Variants in USP42 observed in about 807,000 individuals in gnomAD.
The protein encoded by USP42 is ubiquitin specific peptidase 42, also known as ubiquitin carboxyl-terminal hydrolase 42.
USP42 carries 23 observed loss-of-function variants against 113.0 expected under a neutral mutation model. That is an observed-to-expected ratio of 0.20 (90% confidence interval 0.15 to 0.29). The LOEUF is 0.29. Ranked by LOEUF, USP42 falls within the 10% of genes least tolerant of loss-of-function variation. USP42 has a pLI of 1.00. For synonymous variants in USP42, 933 were observed against 699.0 expected (o/e 1.33, Z -5.28); for missense variants, 2,174 against 1,779.8 (o/e 1.22, Z -3.99).
intron 4 of USP42, among the ~76,000 whole-genome samples, chr7:6,136,954 A>C (rs1781184372): frequency 6.6e-6 from 1 of 152,106 alleles, no homozygotes; most frequent in Non-Finnish European, 1.5e-5. Context: ...ACAGTCTTAA[A>C]AGAATATATA....
rs148181862 is a variant in USP42, at chr7:6,158,490, C to A, written c.3944-960C>A. Among the ~76,000 whole-genome samples the A allele has an allele frequency of 6.6e-4, 100 of 152,276 alleles. No homozygotes were observed. Among genetic ancestry groups the A allele is most frequent in the African/African-American group, 2.3e-3 (96 of 41,558 alleles). On this transcript the variant is annotated intron_variant, in intron 16 of 17. Transcript: ENST00000306177. The surrounding 1 kb of genome is among the most constrained non-coding windows in gnomAD (Gnocchi z 4.2). Reference sequence around the variant, plus strand: ...TGTGTTCTGGGGAAGGCCTGTCCCTCCCAGCAGCCCAGAGCCAGCATGCAT... The same window carrying A: ...TGTGTTCTGGGGAAGGCCTGTCCCTACCAGCAGCCCAGAGCCAGCATGCAT...
intron 3 of USP42, among the ~76,000 whole-genome samples, chr7:6,131,818 A>G (rs895681500): frequency 2.0e-5 from 3 of 152,310 alleles, no homozygotes. Context: ...CACAATGGTC[A>G]GGATTTGTTG....
At chr7:6,105,542 C>G (rs1779230859) in intron 1 of USP42, among the ~76,000 whole-genome samples, 1 of 151,548 alleles carries the variant, frequency 6.6e-6, no homozygotes, top group Non-Finnish European at 1.5e-5. Flanking sequence ...CTCCCCGCCC[C>G]CACTGCATCC....
intron 3 of USP42, among the ~76,000 whole-genome samples, chr7:6,125,574 G>A (rs1438715943): frequency 1.3e-5 from 2 of 152,016 alleles, no homozygotes; most frequent in Non-Finnish European, 2.9e-5. Flanking sequence ...TCCCATCTTT[G>A]TGCTATTGTT....
upstream of USP42, among the ~76,000 whole-genome samples, chr7:6,104,194 T>C (rs1391139012): frequency 4.0e-5 from 6 of 151,316 alleles, no homozygotes; most frequent in Admixed American, 3.9e-4. Context: ...GCAATTCTCC[T>C]GCCTCAGCTT....
At chr7:6,160,509 C>A (rs887872779) in intron 17 of USP42, 46 bp from the exon 18 acceptor site, 6 of 152,698 alleles carry the variant, frequency 3.9e-5, no homozygotes, top group Admixed American at 1.3e-4. Flanking sequence ...CCCTACACGC[C>A]GCCGCCTGCC....
chr7:6,145,674 G>A lies in USP42; in HGVS notation c.1131+18G>A. ...ACATAAAAGTAAGCTGTGCAGATTT[G>A]CTATTAACTATTGTTACATACATGC... On this transcript the variant is annotated intron_variant, in intron 10 of 17. Transcript: ENST00000306177. 1 of 1,609,024 alleles carries A rather than the reference G, an allele frequency of 6.2e-7. No individual in the cohort carries two copies. The highest frequency in any genetic ancestry group is 8.5e-7 in the Non-Finnish European group (1 of 1,177,170).
the USP42 span, among the ~76,000 whole-genome samples, chr7:6,086,892 A>C: frequency 6.8e-6 from 1 of 147,800 alleles, no homozygotes; most frequent in African/African-American, 2.6e-5. Context: ...TACCTGGCTA[A>C]ATTTTTTGTA....
Position 6,149,679 on chromosome 7 carries a change from C to T in USP42, c.1483C>T (p.Pro495Ser), listed in dbSNP as rs375947233. The T allele has an allele frequency of 1.2e-6, 2 of 1,613,838 alleles. No individual in the cohort carries two copies. Among genetic ancestry groups the T allele is most frequent in the South Asian group, 1.1e-5 (1 of 91,076 alleles). ...GAATTCCAGTGTCAACAGGGCTAGT[C>T]CTGTTAATGCTTCAGCTTCTGTCCA... ...NGNSSVNRAS[P>S]VNASASVQNW... is the part of the protein sequence containing the mutation. The change falls in exon 13 of 18, where the codon CCT becomes TCT. Residue 495 changes from proline to serine, a missense_variant. Coordinates refer to ENST00000306177, the MANE Select transcript of USP42 (RefSeq NM_032172.3).
intron 3 of USP42, among the ~76,000 whole-genome samples, chr7:6,133,945 C>CA (rs1328762820): frequency 6.8e-6 from 1 of 147,644 alleles, no homozygotes; most frequent in Non-Finnish European, 1.5e-5. Context: ...GGCTGGAGTG[C>CA]AGTGGTGCCA....
chr7:6,101,378 C>T (rs1451110381), upstream of USP42, among the ~76,000 whole-genome samples: 2 of 151,086 alleles, frequency 1.3e-5, no homozygotes, highest in Non-Finnish European at 2.9e-5. Flanking sequence ...GGGTGGGGCA[C>T]TTGGAATCAG....
intron 3 of USP42, among the ~76,000 whole-genome samples, chr7:6,135,028 G>C (rs775543271): frequency 6.6e-6 from 1 of 152,164 alleles, no homozygotes; most frequent in Non-Finnish European, 1.5e-5. Flanking sequence ...GGCCCCAAGA[G>C]ATGCACCCAC....
At chr7:6,145,021 C>G (rs543868924) in intron 9 of USP42, among the ~76,000 whole-genome samples, 1 of 152,264 alleles carries the variant, frequency 6.6e-6, no homozygotes, top group African/African-American at 2.4e-5. Flanking sequence ...CGCTATCCTC[C>G]CGGTTAACCA....
At chr7:6,095,934 A>G in the USP42 span, among the ~76,000 whole-genome samples, 1 of 149,584 alleles carries the variant, frequency 6.7e-6, no homozygotes, top group Non-Finnish European at 1.5e-5. Flanking sequence ...TTTTTTTTTA[A>G]TTTATTTTTT....
the USP42 span, chr7:6,085,317 G>A: frequency 2.5e-4 from 38 of 149,886 alleles, 1 homozygote; most frequent in Non-Finnish European, 4.4e-4. Context: ...AGTAGAGATG[G>A]GGTTTCACCA....
chr7:6,086,256 A>G, the USP42 span, among the ~76,000 whole-genome samples: 1 of 124,188 alleles, frequency 8.1e-6, no homozygotes, highest in African/African-American at 3.4e-5. Flanking sequence ...CCCAGGCTGG[A>G]GTGTAGTGGC....
At chr7:6,134,387 G>A (rs558368101) in intron 3 of USP42, among the ~76,000 whole-genome samples, 1 of 152,282 alleles carries the variant, frequency 6.6e-6, no homozygotes, top group East Asian at 1.9e-4. Flanking sequence ...TTGGATGCCA[G>A]ACAGAATGAA....
chr7:6,154,273 G>C lies in USP42; in HGVS notation c.2719G>C (p.Ala907Pro). ...ERPPAPVLDM[A>P]PAGHPEGDAE... ...GCCGCCAGCTCCTGTGCTGGACATG[G>C]CCCCGGCCGGTCACCCGGAAGGGGA... Residue 907 changes from alanine (A) to proline (P), a missense_variant, in exon 15 of 18, where the codon GCC becomes CCC. By Grantham distance (27) the Ala-to-Pro change is conservative. Transcript: ENST00000306177. 3.1e-6 allele frequency: 5 copies of C among 1,597,356 alleles called. No homozygotes were observed. Among genetic ancestry groups the C allele is most frequent in the South Asian group, 1.1e-5 (1 of 89,408 alleles).
At chr7:6,091,645 A>T in the USP42 span, among the ~76,000 whole-genome samples, 1 of 148,466 alleles carries the variant, frequency 6.7e-6, no homozygotes, top group Non-Finnish European at 1.5e-5. Context: ...TATTAGCCAA[A>T]AAAACAGGAA....
Sources: allele counts gnomAD v4.1 joint callset (sites outside exome capture counted in the v4.1 genomes callset), GRCh38; gene constraint gnomAD v4.1.1; non-coding constraint Gnocchi (gnomAD v3.1); transcripts MANE v1.5; gene names NCBI Gene and HGNC (gene_info 2026-07-23, HGNC 2026-07-21).